VSTM5: variants seen among roughly 807,000 people sequenced by gnomAD.
VSTM5 encodes V-set and transmembrane domain containing 5.
In VSTM5, 21 loss-of-function variants were observed where a neutral mutation model predicts 20.3. That is an observed-to-expected ratio of 1.03 (90% confidence interval 0.73 to 1.49). The LOEUF (loss-of-function observed/expected upper bound fraction) is 1.49, where lower values mean the gene tolerates loss of function less well. Among genes scored for constraint, VSTM5 ranks in the 40% most tolerant of loss-of-function variants. VSTM5 has a pLI of 0.00. For synonymous variants in VSTM5, 100 were observed against 102.5 expected (o/e 0.98, Z 0.14); for missense variants, 219 against 250.0 (o/e 0.88, Z 0.84).
At chr11:93,849,933 A>T (rs1477350254) in intron 1 of VSTM5, among the ~76,000 whole-genome samples, 1 of 152,212 alleles carries the variant, frequency 6.6e-6, no homozygotes, top group East Asian at 1.9e-4. Context: ...GGTTCGTCTG[A>T]CTGATAAGGA....
chr11:93,833,043 A>C (rs989386632), intron 1 of VSTM5, among the ~76,000 whole-genome samples: 3 of 152,242 alleles, frequency 2.0e-5, no homozygotes, highest in Admixed American at 6.5e-5. Flanking sequence ...GCTGTTGAGC[A>C]CTTGAAACTG....
intron 1 of VSTM5, among the ~76,000 whole-genome samples, chr11:93,827,973 A>C (rs1357086404): frequency 6.6e-6 from 1 of 152,202 alleles, no homozygotes; most frequent in East Asian, 1.9e-4. Flanking sequence ...TCAGAGATCA[A>C]ATGGCAGGAG....
intron 1 of VSTM5, among the ~76,000 whole-genome samples, chr11:93,846,203 G>GT (rs891252334): frequency 9.2e-4 from 108 of 117,234 alleles, no homozygotes; most frequent in African/African-American, 2.6e-3. Context: ...GATATAGTAA[G>GT]TTTTTTTTTG....
chr11:93,825,879 A>C (rs1944229864), intron 1 of VSTM5, among the ~76,000 whole-genome samples: 1 of 151,590 alleles, frequency 6.6e-6, no homozygotes, highest in Non-Finnish European at 1.5e-5. Context: ...GTCAGAAATA[A>C]ATGAAATAGA....
chr11:93,844,569 A>G (rs1426257521), intron 1 of VSTM5, among the ~76,000 whole-genome samples: 4 of 152,192 alleles, frequency 2.6e-5, no homozygotes, highest in African/African-American at 9.7e-5. Context: ...GGAAATTAAC[A>G]TGAGTCGAAA....
chr11:93,849,165 G>A (rs1354282821), intron 1 of VSTM5, among the ~76,000 whole-genome samples: 2 of 151,818 alleles, frequency 1.3e-5, no homozygotes. Flanking sequence ...CTTTCGCTTT[G>A]GAGAAGGTCT....
chr11:93,841,202 G>C (rs576814775), intron 1 of VSTM5, among the ~76,000 whole-genome samples: 3 of 151,914 alleles, frequency 2.0e-5, no homozygotes, highest in Non-Finnish European at 4.4e-5. Context: ...CCTTTAATTA[G>C]CCACGGACCT....
chr11:93,845,375 C>A (rs569501624), intron 1 of VSTM5, among the ~76,000 whole-genome samples: 2 of 152,136 alleles, frequency 1.3e-5, no homozygotes, highest in African/African-American at 4.8e-5. Context: ...CTGAACTGCC[C>A]CAGGGTGTGT....
At chr11:93,826,508 C>T (rs1472555145) in intron 1 of VSTM5, among the ~76,000 whole-genome samples, 2 of 152,096 alleles carry the variant, frequency 1.3e-5, no homozygotes, top group East Asian at 2.0e-4. Flanking sequence ...TGCCATTCTC[C>T]TGCCTCAGCC....
Position 93,840,952 on chromosome 11 carries a change from C to T in VSTM5, c.91+9460G>A, listed in dbSNP as rs77096164. Among the ~76,000 whole-genome samples the T allele has an allele frequency of 4.2e-3, 622 of 147,452 alleles. 15 individuals are homozygous for T. In the East Asian group the frequency reaches 0.066, roughly 16 times the overall value. On this transcript the variant is annotated intron_variant, in intron 1 of 3. Coordinates refer to ENST00000409977, the MANE Select transcript of VSTM5 (RefSeq NM_001144871.2). ...TCTGAGGCCAATTCATGATAATTTC[C>T]TAAAGTTAAATAAAAGGGAAAACAC... is the stretch of plus-strand genomic sequence containing the variant.
At chr11:93,844,013 G>GC (rs1304339263) in intron 1 of VSTM5, among the ~76,000 whole-genome samples, 2 of 152,256 alleles carry the variant, frequency 1.3e-5, no homozygotes, top group African/African-American at 4.8e-5. Flanking sequence ...GCTCACACCA[G>GC]CCTTCCACTC....
At position 93,850,123 on chromosome 11, in the gene VSTM5, G is replaced by A. The variant is rs549422761; in HGVS notation, c.91+289C>T. ...GGGCCACCTTCCAGCTCTGATAACC[G>A]TAGGCCGGGCTCGCCGGGTGGGGCG... On this transcript the variant is annotated intron_variant, in intron 1 of 3. Coordinates refer to ENST00000409977, the MANE Select transcript of VSTM5 (RefSeq NM_001144871.2). 5.1e-4 allele frequency among the ~76,000 whole-genome samples: 78 copies of A among 152,300 alleles called. 1 individual carries two copies. The highest frequency in any genetic ancestry group is 1.0e-3 in the Non-Finnish European group (68 of 68,006).
At position 93,831,983 on chromosome 11, in the gene VSTM5, A is replaced by G. The variant is rs111661775; in HGVS notation, c.92-10660T>C. 6.1e-3 allele frequency among the ~76,000 whole-genome samples: 932 copies of G among 152,308 alleles called. 10 individuals are homozygous for G. Among genetic ancestry groups the G allele is most frequent in the African/African-American group, 0.021 (889 of 41,566 alleles). On this transcript the variant is annotated intron_variant, in intron 1 of 3. Coordinates refer to ENST00000409977, the MANE Select transcript of VSTM5 (RefSeq NM_001144871.2). ...TGGGTGGAACCTGCTTGGATGGCATATGATGCAATCTGTAAAAATATTTAA... is the reference window on the plus strand; with the variant it reads ...TGGGTGGAACCTGCTTGGATGGCATGTGATGCAATCTGTAAAAATATTTAA...
chr11:93,850,314 C>CGA, intron 1 of VSTM5, 98 bp downstream of exon 1: 1 of 1,055,658 alleles, frequency 9.5e-7, no homozygotes, highest in Non-Finnish European at 1.3e-6. Context: ...ACAAGGTGGG[C>CGA]GAGGGCCAGG....
intron 1 of VSTM5, among the ~76,000 whole-genome samples, chr11:93,841,746 C>T (rs76747239): frequency 0.014 from 2,099 of 152,342 alleles, 49 homozygotes; most frequent in African/African-American, 0.048. Flanking sequence ...TAACACCATA[C>T]CTGCCAGGCA....
chr11:93,828,527 G>A (rs1331702047), intron 1 of VSTM5, among the ~76,000 whole-genome samples: 1 of 152,032 alleles, frequency 6.6e-6, no homozygotes, highest in East Asian at 1.9e-4. Context: ...CACAACAAAG[G>A]TCAATACTGT....
intron 1 of VSTM5, among the ~76,000 whole-genome samples, chr11:93,847,049 G>A (rs1330155725): frequency 1.3e-5 from 2 of 152,120 alleles, no homozygotes; most frequent in African/African-American, 2.4e-5. Flanking sequence ...ACAGGCATGA[G>A]CCACCATACC....
At chr11:93,848,574 G>C (rs1353941518) in intron 1 of VSTM5, among the ~76,000 whole-genome samples, 1 of 152,234 alleles carries the variant, frequency 6.6e-6, no homozygotes, top group Non-Finnish European at 1.5e-5. Context: ...AGGTGGGGCT[G>C]TTTTGGGGAA....
rs528659187 is a variant in VSTM5 at position 93,834,264 on chromosome 11, C to T, written c.92-12941G>A. 4.6e-5 allele frequency among the ~76,000 whole-genome samples: 7 copies of T among 152,296 alleles called. No individual in the cohort carries two copies. In the East Asian group the frequency reaches 1.4e-3, roughly 29 times the overall value. On this transcript the variant is annotated intron_variant, in intron 1 of 3. Transcript: ENST00000409977. Reference sequence around the variant, plus strand: ...GGCCCCATCCTGCCAGACAATCTTACTGCATAAATTGACACTTCCTTTTCC... The same window carrying T: ...GGCCCCATCCTGCCAGACAATCTTATTGCATAAATTGACACTTCCTTTTCC...
Sources: gnomAD v4.1 joint callset for allele counts (sites outside exome capture counted in the v4.1 genomes callset) on GRCh38, gnomAD v4.1.1 for gene constraint, MANE v1.5 for transcripts, NCBI Gene and HGNC (gene_info 2026-07-23, HGNC 2026-07-21) for gene names.